Variants in SLC2A13 observed in about 807,000 individuals in gnomAD.
The protein encoded by SLC2A13 is solute carrier family 2 member 13, also known as proton myo-inositol cotransporter.
A neutral mutation model predicts 64.4 loss-of-function variants in SLC2A13; 32 were observed. That is an observed-to-expected ratio of 0.50 (90% CI 0.37 to 0.67). The LOEUF (loss-of-function observed/expected upper bound fraction) is 0.67, where lower values mean the gene tolerates loss of function less well. SLC2A13 is among the 30% of genes least tolerant of loss of function. The pLI, the probability that SLC2A13 is intolerant of heterozygous loss-of-function variation, is 0.00. For synonymous variants in SLC2A13, 338 were observed against 327.1 expected (o/e 1.03, Z -0.36); for missense variants, 743 against 829.2 (o/e 0.90, Z 1.28).
intron 3 of SLC2A13, among the ~76,000 whole-genome samples, chr12:39,956,853 G>A (rs1946323050): frequency 6.6e-6 from 1 of 152,112 alleles, no homozygotes; most frequent in South Asian, 2.1e-4. Context: ...GCAAACTGTA[G>A]GAGGCTTCCC....
At chr12:40,077,934 T>C (rs1282088677) in intron 1 of SLC2A13, among the ~76,000 whole-genome samples, 1 of 152,130 alleles carries the variant, frequency 6.6e-6, no homozygotes, top group Non-Finnish European at 1.5e-5. Context: ...GATTGCATTC[T>C]TGATTTGGCT....
chr12:39,976,838 C>G (rs965662261), intron 3 of SLC2A13, among the ~76,000 whole-genome samples: 22 of 152,184 alleles, frequency 1.4e-4, no homozygotes, highest in Non-Finnish European at 3.1e-4. Context: ...TTTCTGGACA[C>G]TTAACATCTC....
chr12:39,838,454 C>T (rs949170470), intron 6 of SLC2A13, among the ~76,000 whole-genome samples: 9 of 143,890 alleles, frequency 6.3e-5, no homozygotes, highest in African/African-American at 2.3e-4. Flanking sequence ...AACTAACCTG[C>T]ACAATGTGCA....
chr12:39,905,435 T>C (rs1945245186), intron 4 of SLC2A13, among the ~76,000 whole-genome samples: 1 of 152,102 alleles, frequency 6.6e-6, no homozygotes, highest in Non-Finnish European at 1.5e-5. Context: ...AAAACTAAAC[T>C]CCAGGCTGAA....
In SLC2A13 at chr12:40,008,623, A is replaced by T. The variant is rs549269203; in HGVS notation, c.925+19678T>A. On this transcript the variant is annotated intron_variant, in intron 3 of 9. Coordinates refer to ENST00000280871, the MANE Select transcript of SLC2A13 (RefSeq NM_052885.4). ...GAGACTGCGTCACTCCAAAAAAAAA[A>T]AAAAAGAATATGGAGAAACAATTAA... is the stretch of plus-strand genomic sequence containing the variant. Among the ~76,000 whole-genome samples, 83 of 152,246 alleles carry T rather than the reference A, an allele frequency of 5.5e-4. 1 individual carries two copies. The highest frequency in any genetic ancestry group is 8.4e-4 in the Non-Finnish European group (57 of 68,012).
At chr12:39,896,354 A>ATGTGTATATATGTATACATATATGTATG (rs1555127702) in intron 4 of SLC2A13, among the ~76,000 whole-genome samples, 8 of 83,188 alleles carry the variant, frequency 9.6e-5, no homozygotes, top group African/African-American at 4.3e-4. Context: ...ATATGTATGT[A>ATGTGTATATATGTATACATATATGTATG]TATGTGTATA....
intron 1 of SLC2A13, among the ~76,000 whole-genome samples, chr12:40,067,512 C>T (rs904106219): frequency 7.5e-6 from 1 of 133,716 alleles, no homozygotes; most frequent in African/African-American, 2.6e-5. Context: ...ACATAATAAA[C>T]ATGGTTAATA....
chr12:40,034,323 G>C (rs1401537518), intron 2 of SLC2A13, among the ~76,000 whole-genome samples: 1 of 152,016 alleles, frequency 6.6e-6, no homozygotes, highest in East Asian at 1.9e-4. Context: ...TTCCTTACTG[G>C]TTTCCCAACT....
intron 7 of SLC2A13, among the ~76,000 whole-genome samples, chr12:39,807,251 G>A (rs542656535): frequency 6.6e-6 from 1 of 152,218 alleles, no homozygotes; most frequent in East Asian, 1.9e-4. Flanking sequence ...CACCACTAGG[G>A]ATCCCTGTGG....
intron 7 of SLC2A13, among the ~76,000 whole-genome samples, chr12:39,821,632 C>G (rs1248105773): frequency 1.3e-5 from 2 of 152,152 alleles, no homozygotes; most frequent in Non-Finnish European, 2.9e-5. Flanking sequence ...TCTAATGGAA[C>G]ACCTTCTATT....
In SLC2A13 at chr12:39,760,050, G is replaced by A. The variant is rs1297209849; in HGVS notation, c.1923C>T (p.Asp641=). The part of the protein sequence containing the change: ...RVKGSNYHLS[D]NDASDVE ...ATTATTCCACATCAGAAGCATCATT[G>A]TCAGAAAGATGATAGTTACTTCCCT... Residue 641 remains aspartate (D), a synonymous_variant, in exon 10 of 10, where the codon GAC becomes GAT. Transcript: ENST00000280871. The A allele has an allele frequency of 1.9e-6, 3 of 1,611,788 alleles. No individual in the cohort carries two copies. The highest frequency in any genetic ancestry group is 2.5e-6 in the Non-Finnish European group (3 of 1,178,492).
chr12:39,788,859 C>T (rs1291677696), intron 7 of SLC2A13, among the ~76,000 whole-genome samples: 3 of 152,152 alleles, frequency 2.0e-5, no homozygotes, highest in Non-Finnish European at 2.9e-5. Context: ...TTCAACTACT[C>T]ATCTACATGT....
intron 6 of SLC2A13, among the ~76,000 whole-genome samples, chr12:39,844,336 T>A (rs1052880701): frequency 6.6e-6 from 1 of 152,040 alleles, no homozygotes; most frequent in Admixed American, 6.6e-5. Context: ...GAGTCAAAGT[T>A]TAATGTAAGC....
intron 3 of SLC2A13, among the ~76,000 whole-genome samples, chr12:39,987,523 A>G (rs1947051747): frequency 1.3e-5 from 2 of 152,158 alleles, no homozygotes; most frequent in Non-Finnish European, 2.9e-5. Flanking sequence ...GTCCTTCTCA[A>G]TTAATAGCTA....
chr12:39,777,474 A>G (rs2135735646), intron 7 of SLC2A13, among the ~76,000 whole-genome samples: 1 of 152,306 alleles, frequency 6.6e-6, no homozygotes. Flanking sequence ...TGCTAGGTAG[A>G]GGAGGGCGTG....
chr12:39,820,667 T>C (rs1942466942), intron 7 of SLC2A13, among the ~76,000 whole-genome samples: 1 of 94,964 alleles, frequency 1.1e-5, no homozygotes, highest in South Asian at 3.3e-4. Flanking sequence ...ATGCTGCTCT[T>C]CTTTCTGTGA....
At chr12:39,831,590 T>A (rs1942852130) in intron 6 of SLC2A13, among the ~76,000 whole-genome samples, 1 of 152,104 alleles carries the variant, frequency 6.6e-6, no homozygotes. Context: ...TGTTGGTCCT[T>A]TCCAAATCTC....
intron 1 of SLC2A13, among the ~76,000 whole-genome samples, chr12:40,080,325 G>T (rs1010051609): frequency 6.6e-6 from 1 of 152,162 alleles, no homozygotes; most frequent in South Asian, 2.1e-4. Context: ...ATACAGTTGG[G>T]TCTTCTTCTT....
At chr12:39,932,408 G>A (rs1273385111) in intron 4 of SLC2A13, among the ~76,000 whole-genome samples, 1 of 152,110 alleles carries the variant, frequency 6.6e-6, no homozygotes, top group African/African-American at 2.4e-5. Context: ...TAAAAAAGGA[G>A]CAACAGAAGC....
Sources: gnomAD v4.1 joint callset for allele counts (sites outside exome capture counted in the v4.1 genomes callset) on GRCh38, gnomAD v4.1.1 for gene constraint, MANE v1.5 for transcripts, NCBI Gene and HGNC (gene_info 2026-07-23, HGNC 2026-07-21) for gene names.